ABR: variants seen among roughly 807,000 people sequenced by gnomAD.
ABR encodes ABR activator of RhoGEF and GTPase.
A neutral mutation model predicts 107.2 loss-of-function variants in ABR; 35 were observed. The observed-to-expected ratio is 0.33, with a 90% CI of 0.25 to 0.43. The LOEUF (loss-of-function observed/expected upper bound fraction) is 0.43. Ranked by LOEUF, ABR falls within the 20% of genes least tolerant of loss-of-function variation. ABR has a pLI of 1.00. For synonymous variants in ABR, 498 were observed against 462.0 expected (o/e 1.08, Z -1.00); for missense variants, 815 against 1,115.2 (o/e 0.73, Z 3.83).
intron 6 of ABR, chr17:1,079,113 G>A (rs1030857202): frequency 4.5e-5 from 65 of 1,436,478 alleles, no homozygotes; most frequent in South Asian, 1.6e-4. Context: ...AGAGGAGCAC[G>A]TTTGTAGCTG....
chr17:1,088,735 C>T (rs1177763691), intron 4 of ABR, among the ~76,000 whole-genome samples: 4 of 151,122 alleles, frequency 2.6e-5, no homozygotes, highest in African/African-American at 9.7e-5. Context: ...ATCACAGGTG[C>T]GTGTTATCAT....
At position 1,040,888 on chromosome 17, in the gene ABR, C is replaced by T. The variant is rs2030301903; in HGVS notation, c.1791+9162G>A. ...CAAGATCTGTCTGGCCTCAAAACCC[C>T]GGCAACACTGGCTAACGATCCAAGT... On this transcript the variant is annotated intron_variant, in intron 16 of 22. Transcript: ENST00000302538. Among the ~76,000 whole-genome samples, 3 of 152,314 alleles carry T rather than the reference C, an allele frequency of 2.0e-5. No individual in the cohort carries two copies. The South Asian group carries it at 6.2e-4, about 32-fold the overall frequency.
intron 16 of ABR, among the ~76,000 whole-genome samples, chr17:1,040,855 C>G (rs2030294303): frequency 6.6e-6 from 1 of 152,242 alleles, no homozygotes; most frequent in African/African-American, 2.4e-5. Context: ...AAGCTAGACT[C>G]AGCCCCGCAA....
At chr17:1,056,217 G>A in intron 13 of ABR, 108 bp from the exon 14 acceptor site, 1 of 944,416 alleles carries the variant, frequency 1.1e-6, no homozygotes, top group Non-Finnish European at 1.7e-6. Context: ...CTGAGTCTTG[G>A]TCCAACATCA....
rs530011989 is a variant in ABR, at chr17:1,129,645, G to A, written c.62-4278C>T. On this transcript the variant is annotated intron_variant, in intron 1 of 22. Coordinates refer to ENST00000302538, the MANE Select transcript of ABR (RefSeq NM_021962.5). ...TGTACAACTCTCTGCAACTTACTCC[G>A]AAATACATAAAAAATAAGATGGGCT... Among the ~76,000 whole-genome samples, 37 of 152,004 alleles carry A rather than the reference G, an allele frequency of 2.4e-4. No homozygotes were observed. The South Asian group carries it at 2.5e-3, about 10-fold the overall frequency.
intron 16 of ABR, among the ~76,000 whole-genome samples, chr17:1,025,798 G>A (rs1238808749): frequency 6.6e-6 from 1 of 151,932 alleles, no homozygotes. Flanking sequence ...ATTTGTTGAC[G>A]GACTCCTCCT....
Position 1,027,490 on chromosome 17 carries a change from C to A in ABR, c.1792-14326G>T, listed in dbSNP as rs2072287037. ...TTCCCGCTCTGCGGACTCAAGCAAG[C>A]CTCTTGGGAGCTGGCCTGGCAGAGA... On this transcript the variant is annotated intron_variant, in intron 16 of 22. Coordinates refer to ENST00000302538, the MANE Select transcript of ABR (RefSeq NM_021962.5). The surrounding 1 kb of genome is among the most constrained non-coding windows in gnomAD (Gnocchi z 4.7). Among the ~76,000 whole-genome samples, 1 of 152,212 alleles carries A rather than the reference C, an allele frequency of 6.6e-6. No individual in the cohort carries two copies. The highest frequency in any genetic ancestry group is 6.5e-5 in the Admixed American group (1 of 15,284).
intron 2 of ABR, among the ~76,000 whole-genome samples, chr17:1,104,849 G>C (rs2038137220): frequency 6.6e-6 from 1 of 152,148 alleles, no homozygotes; most frequent in African/African-American, 2.4e-5. Flanking sequence ...CCGTATTCTG[G>C]GCTCCCTATT....
At chr17:1,175,146 T>TC (rs1370711868) in intron 1 of ABR, among the ~76,000 whole-genome samples, 3 of 152,348 alleles carry the variant, frequency 2.0e-5, no homozygotes, top group Non-Finnish European at 4.4e-5. Flanking sequence ...GCGCAGGGGC[T>TC]CACGCCTGTC....
intron 1 of ABR, among the ~76,000 whole-genome samples, chr17:1,202,821 G>A (rs116846696): frequency 0.01 from 1,541 of 151,908 alleles, 11 homozygotes; most frequent in Middle Eastern, 0.034. Context: ...GGAGAAAGTG[G>A]TCAGCTCAGC....
chr17:1,062,827 G>C (rs2034178469), intron 10 of ABR, among the ~76,000 whole-genome samples: 1 of 145,024 alleles, frequency 6.9e-6, no homozygotes, highest in Non-Finnish European at 1.6e-5. Context: ...TGTTCCTCTA[G>C]ACACTGTTGT....
chr17:1,050,776 A>T lies in ABR; in HGVS notation c.1562-142T>A. 1 of 694,180 alleles carries T rather than the reference A, an allele frequency of 1.4e-6. No individual in the cohort carries two copies. The highest frequency in any genetic ancestry group is 2.6e-6 in the Non-Finnish European group (1 of 390,846). 43.0% of individuals were successfully genotyped at this position (694,180 alleles called of 1,614,324 possible). Reference sequence around the variant, plus strand: ...GGCATCTTGGCTCTCTCCTCCCTGAAGCCCGGGACCATCTGGCTTCTCCCC... The same window carrying T: ...GGCATCTTGGCTCTCTCCTCCCTGATGCCCGGGACCATCTGGCTTCTCCCC... On this transcript the variant is annotated intron_variant, in intron 14 of 22. Coordinates refer to ENST00000302538, the MANE Select transcript of ABR (RefSeq NM_021962.5). The surrounding 1 kb of genome is among the most constrained non-coding windows in gnomAD (Gnocchi z 4.6).
intron 16 of ABR, among the ~76,000 whole-genome samples, chr17:1,038,370 G>T (rs368517604): frequency 2.6e-5 from 4 of 152,226 alleles, no homozygotes; most frequent in Non-Finnish European, 4.4e-5. Context: ...AGCTCCAGTC[G>T]TGTCTCTGCT....
At chr17:1,105,041 C>T (rs562499614) in intron 2 of ABR, among the ~76,000 whole-genome samples, 164 of 138,828 alleles carry the variant, frequency 1.2e-3, no homozygotes, top group Non-Finnish European at 2.0e-3. Context: ...CAGAGTCTCA[C>T]TGTGTCACCC....
At chr17:1,161,650 G>A (rs963798017) in intron 1 of ABR, among the ~76,000 whole-genome samples, 5 of 151,676 alleles carry the variant, frequency 3.3e-5, no homozygotes, top group African/African-American at 1.2e-4. Context: ...CGCCTCCAGG[G>A]TTCAAACAAT....
intron 16 of ABR, among the ~76,000 whole-genome samples, chr17:1,034,132 G>A (rs1007540868): frequency 1.3e-5 from 2 of 151,638 alleles, no homozygotes; most frequent in African/African-American, 2.4e-5. Context: ...CACCACGCCC[G>A]GCTAATTTTT....
In ABR at chr17:1,004,395, C is replaced by T. The variant is rs117506624; in HGVS notation, c.*1685G>A. On this transcript the variant is annotated 3_prime_UTR_variant, in exon 23 of 23. Coordinates refer to ENST00000302538, the MANE Select transcript of ABR (RefSeq NM_021962.5). ...CAAAAAGGGCCTCTCACCGCGCACGCGCTGCAGCGTTAGGGCCGGCAAACC... is the reference window on the plus strand; with the variant it reads ...CAAAAAGGGCCTCTCACCGCGCACGTGCTGCAGCGTTAGGGCCGGCAAACC... 550 of 152,716 alleles carry T rather than the reference C, an allele frequency of 3.6e-3. No homozygotes were observed. The highest frequency in any genetic ancestry group is 5.2e-3 in the Non-Finnish European group (355 of 68,114). The allele number at this position is 152,716 out of a possible 1,614,324, so 9.5% of individuals were successfully genotyped here.
chr17:1,150,108 G>A lies in ABR; in HGVS notation c.62-24741C>T, dbSNP rs1029560585. On this transcript the variant is annotated intron_variant, in intron 1 of 22. Transcript: ENST00000302538. The surrounding 1 kb of genome is among the most constrained non-coding windows in gnomAD (Gnocchi z 4.8). ...ATAGTCCCGGCCTGGGAGAGACACC[G>A]AGAGGAAGGCCAGCTTGCCCGGTGT... 6.6e-6 allele frequency among the ~76,000 whole-genome samples: 1 copy of A among 151,830 alleles called. No homozygotes were observed. Among genetic ancestry groups the A allele is most frequent in the African/African-American group, 2.4e-5 (1 of 41,310 alleles).
chr17:1,087,510 C>G (rs1056384093), intron 4 of ABR, among the ~76,000 whole-genome samples: 8 of 144,466 alleles, frequency 5.5e-5, no homozygotes, highest in Non-Finnish European at 1.2e-4. Context: ...AAGGGCAGGA[C>G]TTTAAAAGGG....
Sources: gnomAD v4.1 joint callset for allele counts (sites outside exome capture counted in the v4.1 genomes callset) on GRCh38, gnomAD v4.1.1 for gene constraint, Gnocchi (gnomAD v3.1) non-coding constraint, MANE v1.5 for transcripts, NCBI Gene and HGNC (gene_info 2026-07-23, HGNC 2026-07-21) for gene names.